Variants in CEP295 observed in about 807,000 individuals in gnomAD.
The protein encoded by CEP295 is centrosomal protein of 295 kDa.
A neutral mutation model predicts 291.6 loss-of-function variants in CEP295; 190 were observed. The observed-to-expected ratio is 0.65, with a 90% CI of 0.58 to 0.73. The LOEUF is 0.73. CEP295 is among the 30% of genes least tolerant of loss of function. CEP295 has a pLI of 0.00. For synonymous variants in CEP295, 993 were observed against 1,038.8 expected (o/e 0.96, Z 0.85); for missense variants, 2,863 against 2,949.4 (o/e 0.97, Z 0.68).
rs1367581331 is a variant in CEP295, at chr11:93,730,200, A to T, written c.7768-31A>T. ...TAATTTTTCAAGCATGAAGTACACA[A>T]CTGAAACTCAAATTTTTATTCCTTC... On this transcript the variant is annotated intron_variant, in intron 29 of 29. Coordinates refer to ENST00000325212, the MANE Select transcript of CEP295 (RefSeq NM_033395.2). 1.9e-6 allele frequency: 3 copies of T among 1,551,270 alleles called. No homozygotes were observed. In the African/African-American group the frequency reaches 4.1e-5, roughly 21 times the overall value.
At position 93,696,762 on chromosome 11, in the gene CEP295, T is replaced by G. The variant is rs1182628535; in HGVS notation, c.1850T>G (p.Val617Gly). The change falls in exon 15 of 30, where the codon GTG becomes GGG. Residue 617 changes from valine (V) to glycine (G), a missense_variant. Val to Gly is a moderately radical substitution (Grantham distance 109). Coordinates refer to ENST00000325212, the MANE Select transcript of CEP295 (RefSeq NM_033395.2). The stretch of plus-strand genomic sequence containing the variant: ...ATGTTAAAAGGAAGGTGCCCATCGG[T>G]GTCAGCTCCATCATTGATAACTGAT... ...QTMLKGRCPSVSAPSLITDSV... is the reference protein window; with the variant it reads ...QTMLKGRCPSGSAPSLITDSV... 2 of 1,551,448 alleles carry G rather than the reference T, an allele frequency of 1.3e-6. No individual in the cohort carries two copies. Among genetic ancestry groups the G allele is most frequent in the African/African-American group, 1.4e-5 (1 of 73,054 alleles).
In CEP295 at chr11:93,698,325, G is replaced by A; in HGVS notation, c.3413G>A (p.Cys1138Tyr). 6.4e-7 allele frequency: 1 copy of A among 1,552,038 alleles called. No individual in the cohort carries two copies. The highest frequency in any genetic ancestry group is 1.7e-4 in the Middle Eastern group (1 of 5,998). Residue 1138 changes from cysteine (C) to tyrosine (Y), a missense_variant, in exon 15 of 30, where the codon TGT (cysteine) becomes TAT (tyrosine). Around this residue, in one of 3 missense-constraint regions of CEP295, gnomAD observed 2,295 missense variants for 2,335.7 expected, o/e 0.98. Transcript: ENST00000325212. ...LSEKENVGPS[C>Y]HLIIPTFQDK... ...GAGAAGGAGAATGTAGGTCCCTCCT[G>A]TCATTTGATAATCCCAACATTTCAG...
chr11:93,684,958 A>C (rs1284673360), intron 9 of CEP295, among the ~76,000 whole-genome samples: 1 of 152,166 alleles, frequency 6.6e-6, no homozygotes, highest in Admixed American at 6.5e-5. Flanking sequence ...TCTCTCAAAC[A>C]TCTCTATCTC....
rs1229360760 is a variant in CEP295 at position 93,698,362 on chromosome 11, T to C, written c.3450T>C (p.Leu1150=). ...LIIPTFQDKS[L]SFPQHSLAQQ... is the part of the protein sequence containing the mutation. ...TCCCAACATTTCAGGATAAGTCTCT[T>C]AGTTTTCCACAGCATAGCCTGGCAC... Residue 1150 remains leucine, a synonymous_variant, in exon 15 of 30, where the codon CTT becomes CTC. Transcript: ENST00000325212. The C allele has an allele frequency of 1.9e-6, 3 of 1,552,186 alleles. No homozygotes were observed. The highest frequency in any genetic ancestry group is 2.0e-5 in the Admixed American group (1 of 51,004).
chr11:93,687,572 T>C (rs898428676), intron 9 of CEP295, 72 bp from the exon 10 acceptor site: 5 of 791,926 alleles, frequency 6.3e-6, no homozygotes, highest in Admixed American at 2.7e-5. Flanking sequence ...AGTAACCGAA[T>C]ATAAGATGGA....
At chr11:93,728,905 T>C (rs1047907982) in intron 25 of CEP295, 84 bp downstream of exon 25, 3 of 1,242,390 alleles carry the variant, frequency 2.4e-6, no homozygotes, top group South Asian at 1.5e-5. Flanking sequence ...AAGGTACTCA[T>C]TGGAGGGAAT....
At position 93,691,069 on chromosome 11, in the gene CEP295, T is replaced by C. The variant is rs139507410; in HGVS notation, c.1337-614T>C. On this transcript the variant is annotated intron_variant, in intron 10 of 29. Coordinates refer to ENST00000325212, the MANE Select transcript of CEP295 (RefSeq NM_033395.2). ...CTTCACTTTTCTTATATAGTACTTA[T>C]TACAATTTCTAATTTTATAATTTTT... Among the ~76,000 whole-genome samples the C allele has an allele frequency of 3.5e-4, 54 of 152,344 alleles. No homozygotes were observed. The East Asian group carries it at 4.0e-3, about 11-fold the overall frequency.
At position 93,702,645 on chromosome 11, in the gene CEP295, A is replaced by G; in HGVS notation, c.5452+8A>G. On this transcript the variant is annotated splice_region_variant and intron_variant, in intron 16 of 29. Transcript: ENST00000325212. ...CTAGTGCCAAGCAAAGTGGTAAGAT[A>G]ATTGTGTTTGATTGTAATTATTTCA... 6.5e-7 allele frequency: 1 copy of G among 1,539,034 alleles called. No homozygotes were observed. Among genetic ancestry groups the G allele is most frequent in the Non-Finnish European group, 8.8e-7 (1 of 1,140,992 alleles).
chr11:93,670,124 C>T (rs1950364330), intron 5 of CEP295, among the ~76,000 whole-genome samples: 1 of 151,918 alleles, frequency 6.6e-6, no homozygotes, highest in South Asian at 2.1e-4. Context: ...TTTAATAATT[C>T]TGCCTTTTGA....
intron 17 of CEP295, among the ~76,000 whole-genome samples, chr11:93,703,821 T>A (rs1952339266): frequency 6.7e-6 from 1 of 148,184 alleles, no homozygotes; most frequent in East Asian, 2.0e-4. Flanking sequence ...CAGGCTGGAG[T>A]GCAGTGGCGC....
chr11:93,680,057 G>A (rs772799453), intron 7 of CEP295, among the ~76,000 whole-genome samples: 1 of 152,004 alleles, frequency 6.6e-6, no homozygotes, highest in Non-Finnish European at 1.5e-5. Flanking sequence ...CGAGCAGATC[G>A]CATAGGCCCG....
chr11:93,678,666 G>T lies in CEP295; in HGVS notation c.625-746G>T, dbSNP rs573209538. On this transcript the variant is annotated intron_variant, in intron 6 of 29. Coordinates refer to ENST00000325212, the MANE Select transcript of CEP295 (RefSeq NM_033395.2). ...ATCCAGGCTGGATGTGGTAGCTTAC[G>T]CCTGTAATCTCAGCGCTTTGGGAGG... Among the ~76,000 whole-genome samples the T allele has an allele frequency of 1.2e-4, 18 of 152,174 alleles. No individual in the cohort carries two copies. The South Asian group carries it at 2.9e-3, about 25-fold the overall frequency.
Position 93,696,805 on chromosome 11 carries a change from A to G in CEP295, c.1893A>G (p.Pro631=). Residue 631 remains proline, a synonymous_variant, in exon 15 of 30, where the codon CCA becomes CCG. Transcript: ENST00000325212. ...SLITDSVISV[P]SWKSERPTAI... ...TAACTGATTCTGTTATATCAGTGCC[A>G]TCATGGAAATCTGAGAGACCGACTG... 1 of 1,551,754 alleles carries G rather than the reference A, an allele frequency of 6.4e-7. No homozygotes were observed. Among genetic ancestry groups the G allele is most frequent in the Non-Finnish European group, 8.7e-7 (1 of 1,147,008 alleles).
chr11:93,713,173 G>A (rs781735323), intron 18 of CEP295, among the ~76,000 whole-genome samples: 27 of 151,948 alleles, frequency 1.8e-4, no homozygotes, highest in Non-Finnish European at 1.0e-4. Flanking sequence ...TTGAAAAGTC[G>A]TACATATTAT....
intron 18 of CEP295, 124 bp downstream of exon 18, chr11:93,707,021 C>A: frequency 6.3e-6 from 5 of 799,358 alleles, no homozygotes; most frequent in Non-Finnish European, 9.4e-6. Context: ...TTAATGGAAT[C>A]GTTATGATGC....
At chr11:93,712,298 G>C (rs1441271516) in intron 18 of CEP295, among the ~76,000 whole-genome samples, 4 of 151,954 alleles carry the variant, frequency 2.6e-5, no homozygotes, top group African/African-American at 7.3e-5. Flanking sequence ...CCAGGCTGGA[G>C]TATGGAGTAC....
rs1232970606 is a variant in CEP295 at position 93,698,862 on chromosome 11, CAG to C, written c.3955_3956del (p.Ser1319Ter). ...GGCACAATCCTGGAACCTCTTTTTACAGAGAGTGAAAGTAAAATTTTTTCAAG... is the reference window on the plus strand; with the variant it reads ...GGCACAATCCTGGAACCTCTTTTTACAGAGTGAAAGTAAAATTTTTTCAAG... On this transcript the variant is annotated frameshift_variant, in exon 15 of 30. Transcript: ENST00000325212. LOFTEE classifies it high-confidence loss of function. The C allele has an allele frequency of 1.9e-6, 3 of 1,551,600 alleles. No homozygotes were observed. The African/African-American group carries it at 4.1e-5, about 21-fold the overall frequency.
intron 17 of CEP295, among the ~76,000 whole-genome samples, chr11:93,704,025 T>C (rs1453540910): frequency 1.3e-5 from 2 of 152,026 alleles, no homozygotes; most frequent in Non-Finnish European, 2.9e-5. Context: ...CGCCTCGGCC[T>C]CCCAAAGTGC....
intron 10 of CEP295, among the ~76,000 whole-genome samples, chr11:93,690,701 G>C (rs559356015): frequency 7.8e-6 from 1 of 127,700 alleles, no homozygotes; most frequent in African/African-American, 3.1e-5. Context: ...CTGCATTCCA[G>C]CCTGGGCGAC....
Sources: allele counts gnomAD v4.1 joint callset (sites outside exome capture counted in the v4.1 genomes callset), GRCh38; gene constraint gnomAD v4.1.1; regional missense constraint gnomAD v4.1.1; transcripts MANE v1.5; gene names NCBI Gene and HGNC (gene_info 2026-07-23, HGNC 2026-07-21).